Variants in DAB1 observed in about 807,000 individuals in gnomAD.
The protein encoded by DAB1 is DAB adaptor protein 1, also known as disabled homolog 1.
DAB1 carries 15 observed loss-of-function variants against 64.6 expected under a neutral mutation model. The ratio of observed to expected loss-of-function variants is 0.23; its 90% CI spans 0.16 to 0.36. The LOEUF (loss-of-function observed/expected upper bound fraction) is 0.36. DAB1 is among the 10% of genes least tolerant of loss of function. The pLI is 1.00. For missense variants in DAB1, 596 were observed against 706.7 expected (o/e 0.84, Z 1.78); for synonymous variants, 235 against 251.9 (o/e 0.93, Z 0.64).
rs568034414 is a variant in DAB1 at position 57,464,652 on chromosome 1, A to G, written n.626-173486T>C. ...TGAAAGAAGGGGGAAAAGGTATATT[A>G]AACACTTCAAGCAGCCATCAAATTC... On this transcript the variant is annotated intron_variant and non_coding_transcript_variant, in intron 7 of 20. Transcript: ENST00000485760. Among the ~76,000 whole-genome samples, 4 of 152,304 alleles carry G rather than the reference A, an allele frequency of 2.6e-5. No homozygotes were observed. In the East Asian group the frequency reaches 5.8e-4, roughly 22 times the overall value.
intron 5 of DAB1, among the ~76,000 whole-genome samples, chr1:58,127,844 G>A (rs1323185697): frequency 1.3e-5 from 2 of 152,086 alleles, no homozygotes; most frequent in African/African-American, 4.8e-5. Context: ...CCAGTACCAT[G>A]CTGTTTTGGT....
At chr1:57,077,785 T>C (rs989483460) in intron 4 of DAB1, among the ~76,000 whole-genome samples, 1 of 151,886 alleles carries the variant, frequency 6.6e-6, no homozygotes, top group Non-Finnish European at 1.5e-5. Context: ...CCATTAGTTT[T>C]TTTTAAAGAA....
At chr1:57,452,799 T>C (rs57692106) in intron 7 of DAB1, among the ~76,000 whole-genome samples, 3,658 of 151,876 alleles carry the variant, frequency 0.024, 156 homozygotes, top group African/African-American at 0.084. Context: ...CTAAACACCA[T>C]TGTATTTTCA....
intron 3 of DAB1, among the ~76,000 whole-genome samples, chr1:58,363,476 G>C (rs1013644388): frequency 6.6e-6 from 1 of 152,190 alleles, no homozygotes; most frequent in Admixed American, 6.5e-5. Context: ...CGGTAAATAA[G>C]TAAAGACAAC....
intron 3 of DAB1, among the ~76,000 whole-genome samples, chr1:58,447,120 A>G (rs1332473133): frequency 6.6e-6 from 1 of 152,086 alleles, no homozygotes; most frequent in Non-Finnish European, 1.5e-5. Flanking sequence ...TGGCTCAGCA[A>G]CCTCCCTGGC....
At chr1:57,379,368 G>A (rs1681175939) in intron 1 of DAB1, among the ~76,000 whole-genome samples, 1 of 152,126 alleles carries the variant, frequency 6.6e-6, no homozygotes, top group Non-Finnish European at 1.5e-5. Flanking sequence ...GAAGCCATAA[G>A]TATTTGCCCA....
chr1:57,352,836 T>C (rs1226879898), intron 1 of DAB1, among the ~76,000 whole-genome samples: 1 of 152,084 alleles, frequency 6.6e-6, no homozygotes, highest in Non-Finnish European at 1.5e-5. Context: ...TCAATAATAA[T>C]TGATGATTAT....
chr1:57,764,836 G>A (rs1649238718), intron 6 of DAB1, among the ~76,000 whole-genome samples: 1 of 149,996 alleles, frequency 6.7e-6, no homozygotes, highest in Non-Finnish European at 1.5e-5. Flanking sequence ...TGTTGTAAGA[G>A]GCATCTGTAG....
intron 1 of DAB1, chr1:58,527,423 C>A (rs569086664): frequency 4.1e-6 from 3 of 723,924 alleles, no homozygotes; most frequent in East Asian, 2.6e-5. Context: ...AAAACAGTTT[C>A]ATGGAGTATC....
At chr1:57,635,457 GT>G (rs1646041240) in intron 7 of DAB1, among the ~76,000 whole-genome samples, 1 of 151,998 alleles carries the variant, frequency 6.6e-6, no homozygotes, top group South Asian at 2.1e-4. Context: ...TCTCATGGGA[GT>G]GTGAACCCTC....
chr1:57,400,211 A>C (rs1469734633), intron 1 of DAB1, among the ~76,000 whole-genome samples: 1 of 152,208 alleles, frequency 6.6e-6, no homozygotes, highest in African/African-American at 2.4e-5. Context: ...CTGCAAGTCC[A>C]TGCAAGAAAC....
At chr1:57,567,429 C>T (rs1306081941) in intron 7 of DAB1, among the ~76,000 whole-genome samples, 1 of 152,104 alleles carries the variant, frequency 6.6e-6, no homozygotes, top group Non-Finnish European at 1.5e-5. Context: ...CTGGCCAGGG[C>T]AACCAGGCAG....
intron 5 of DAB1, among the ~76,000 whole-genome samples, chr1:57,934,636 A>G (rs1645000882): frequency 6.6e-6 from 1 of 152,076 alleles, no homozygotes; most frequent in Admixed American, 6.5e-5. Context: ...TATTGAGGGA[A>G]TTTTTCATAG....
intron 2 of DAB1, among the ~76,000 whole-genome samples, chr1:57,154,442 G>A (rs531848302): frequency 6.6e-6 from 1 of 152,172 alleles, no homozygotes; most frequent in Non-Finnish European, 1.5e-5. Flanking sequence ...TTCATCTGTT[G>A]ATGGACAACA....
At chr1:58,506,742 T>C (rs1645995894) in intron 2 of DAB1, among the ~76,000 whole-genome samples, 1 of 152,172 alleles carries the variant, frequency 6.6e-6, no homozygotes, top group Non-Finnish European at 1.5e-5. Context: ...TCTATGCCAC[T>C]AGAACAATCA....
At chr1:57,922,596 A>G (rs1644823546) in intron 5 of DAB1, among the ~76,000 whole-genome samples, 1 of 152,066 alleles carries the variant, frequency 6.6e-6, no homozygotes, top group Non-Finnish European at 1.5e-5. Context: ...TGGAAAATGC[A>G]CAAATGATAA....
intron 5 of DAB1, among the ~76,000 whole-genome samples, chr1:58,076,678 A>G (rs955991547): frequency 6.6e-6 from 1 of 152,246 alleles, no homozygotes; most frequent in Non-Finnish European, 1.5e-5. Flanking sequence ...CAGTCTTTCC[A>G]GTTCTACTGC....
intron 4 of DAB1, among the ~76,000 whole-genome samples, chr1:58,202,502 T>A (rs1658054057): frequency 6.6e-6 from 1 of 152,234 alleles, no homozygotes; most frequent in South Asian, 2.1e-4. Flanking sequence ...GGTCTGTAAC[T>A]GCTTTGACTA....
intron 1 of DAB1, among the ~76,000 whole-genome samples, chr1:57,324,570 A>C (rs1237090699): frequency 6.6e-6 from 1 of 151,366 alleles, no homozygotes; most frequent in South Asian, 2.1e-4. Context: ...AGAGAGGAGA[A>C]TGATGCGCAT....
Sources: allele counts gnomAD v4.1 joint callset (sites outside exome capture counted in the v4.1 genomes callset), GRCh38; gene constraint gnomAD v4.1.1; transcripts MANE v1.5; gene names NCBI Gene and HGNC (gene_info 2026-07-23, HGNC 2026-07-21).